CACHD1: variants seen among roughly 807,000 people sequenced by gnomAD.
The protein encoded by CACHD1 is VWFA and cache domain-containing protein 1.
In CACHD1, 71 loss-of-function variants were observed where a neutral mutation model predicts 138.7. The observed-to-expected ratio is 0.51, with a 90% CI of 0.42 to 0.62. The LOEUF is 0.62. Among genes scored for constraint, CACHD1 ranks in the 20% least tolerant of loss-of-function variants. The pLI is 0.00. For missense variants in CACHD1, 1,389 were observed against 1,625.3 expected, an observed-to-expected ratio of 0.85 and a Z score of 2.50; for synonymous variants, 578 against 591.5, an observed-to-expected ratio of 0.98 and a Z score of 0.33.
Position 64,677,010 on chromosome 1 carries a change from G to A in CACHD1, c.3091G>A (p.Gly1031Arg), listed in dbSNP as rs917667533. The A allele has an allele frequency of 1.2e-5, 19 of 1,609,380 alleles. No individual in the cohort carries two copies. The highest frequency in any genetic ancestry group is 1.6e-5 in the Non-Finnish European group (19 of 1,176,476). The change falls in exon 22 of 27, where the codon GGG becomes AGG. Residue 1031 changes from glycine to arginine, a missense_variant and splice_region_variant. Gly to Arg is a moderately radical substitution (Grantham distance 125, BLOSUM62 -2). Coordinates refer to ENST00000651257, the MANE Select transcript of CACHD1 (RefSeq NM_020925.4). ...CAGGTGCAGTCAGAGGCTGGAAAGT[G>A]GGTAAGCAGAATCTAGTAAAGAATT... ...NSRCSQRLES[G>R]DCFGVLDCEW...
intron 1 of CACHD1, among the ~76,000 whole-genome samples, chr1:64,507,184 C>T (rs1449698680): frequency 6.6e-6 from 1 of 152,222 alleles, no homozygotes; most frequent in African/African-American, 2.4e-5. Flanking sequence ...TTTAGGATCA[C>T]AGCTACCTCC....
intron 2 of CACHD1, among the ~76,000 whole-genome samples, chr1:64,568,961 G>A (rs1183619871): frequency 1.3e-5 from 2 of 151,988 alleles, no homozygotes; most frequent in Non-Finnish European, 2.9e-5. Context: ...CACTCTTCTT[G>A]CCCAAGCTGG....
chr1:64,610,399 A>G (rs1647486763), intron 4 of CACHD1, among the ~76,000 whole-genome samples: 2 of 152,224 alleles, frequency 1.3e-5, no homozygotes, highest in Non-Finnish European at 2.9e-5. Flanking sequence ...TGAGCTGGTA[A>G]AATCAAAAGC....
chr1:64,649,079 A>C (rs1649004890), intron 9 of CACHD1, among the ~76,000 whole-genome samples: 1 of 152,202 alleles, frequency 6.6e-6, no homozygotes, highest in African/African-American at 2.4e-5. Flanking sequence ...AACTCTTACA[A>C]ATACGGATTT....
At chr1:64,496,289 G>A (rs566033526) in intron 1 of CACHD1, among the ~76,000 whole-genome samples, 1 of 152,128 alleles carries the variant, frequency 6.6e-6, no homozygotes, top group Non-Finnish European at 1.5e-5. Flanking sequence ...CTTATTATTA[G>A]TAGTAGTAAT....
intron 1 of CACHD1, among the ~76,000 whole-genome samples, chr1:64,474,747 G>A (rs572595447): frequency 1.9e-4 from 29 of 152,360 alleles, no homozygotes; most frequent in African/African-American, 7.0e-4. Context: ...ATTTCGCCAG[G>A]CACTTATAAG....
At chr1:64,604,213 C>G (rs1043408709) in intron 4 of CACHD1, among the ~76,000 whole-genome samples, 8 of 152,138 alleles carry the variant, frequency 5.3e-5, no homozygotes, top group African/African-American at 1.9e-4. Flanking sequence ...GTTTCTTAGG[C>G]ATAATAAAAC....
intron 3 of CACHD1, among the ~76,000 whole-genome samples, chr1:64,594,253 T>TA (rs5774710): frequency 0.72 from 98,523 of 137,752 alleles, 35,229 homozygotes; most frequent in East Asian, 0.78. Context: ...AAACTTTGTC[T>TA]AAAAAAAAAA....
At chr1:64,485,981 G>A (rs2100285137) in intron 1 of CACHD1, among the ~76,000 whole-genome samples, 1 of 152,238 alleles carries the variant, frequency 6.6e-6, no homozygotes, top group Non-Finnish European at 1.5e-5. Context: ...ATTCCCACCA[G>A]CAATGTATGA....
intron 2 of CACHD1, among the ~76,000 whole-genome samples, chr1:64,560,482 G>A (rs1557493206): frequency 6.6e-6 from 1 of 151,482 alleles, no homozygotes. Flanking sequence ...TAAGTATTTT[G>A]TTCAATTTTC....
intron 1 of CACHD1, among the ~76,000 whole-genome samples, chr1:64,541,352 C>G (rs1443269595): frequency 6.6e-6 from 1 of 150,844 alleles, no homozygotes; most frequent in Non-Finnish European, 1.5e-5. Context: ...AAAATGTAAA[C>G]AATATTGGTT....
chr1:64,604,257 T>C (rs1320305362), intron 4 of CACHD1, among the ~76,000 whole-genome samples: 1 of 152,232 alleles, frequency 6.6e-6, no homozygotes, highest in Non-Finnish European at 1.5e-5. Flanking sequence ...AACCTAAATC[T>C]GCAAATCTGC....
chr1:64,582,295 C>T lies in CACHD1; in HGVS notation c.401C>T (p.Ser134Phe), dbSNP rs1347382537. 1.2e-6 allele frequency: 2 copies of T among 1,613,340 alleles called. No individual in the cohort carries two copies. The highest frequency in any genetic ancestry group is 1.3e-5 in the African/African-American group (1 of 74,924). Residue 134 changes from serine to phenylalanine, a missense_variant, in exon 3 of 27, where the codon TCC (serine) becomes TTC (phenylalanine). Ser to Phe is a radical substitution (Grantham distance 155). Transcript: ENST00000651257. ...AIQDCCTIPP[S>F]MMEFDGNFNT... is the part of the protein sequence containing the mutation. ...CAAGACTGCTGTACTATCCCACCTT[C>T]CATGATGGAGTAAGACTTTAAAACT...
At chr1:64,617,469 G>T (rs1198691280) in intron 4 of CACHD1, among the ~76,000 whole-genome samples, 1 of 151,926 alleles carries the variant, frequency 6.6e-6, no homozygotes, top group East Asian at 1.9e-4. Flanking sequence ...AGGACAGAAT[G>T]GACTGGTTAT....
chr1:64,495,694 T>A (rs956275308), intron 1 of CACHD1, among the ~76,000 whole-genome samples: 5 of 140,012 alleles, frequency 3.6e-5, no homozygotes, highest in African/African-American at 1.5e-4. Flanking sequence ...AGAATTACTT[T>A]TTTTTTTTTT....
intron 10 of CACHD1, among the ~76,000 whole-genome samples, chr1:64,653,178 A>T (rs947506941): frequency 6.6e-6 from 1 of 152,124 alleles, no homozygotes; most frequent in African/African-American, 2.4e-5. Context: ...GAGCTAAATG[A>T]TGAGAACACA....
At chr1:64,543,402 C>CATATAT (rs140966471) in intron 1 of CACHD1, among the ~76,000 whole-genome samples, 17,747 of 126,570 alleles carry the variant, frequency 0.14, 1,355 homozygotes, top group Non-Finnish European at 0.15. Flanking sequence ...AAAAAAAATA[C>CATATAT]ATATATATAT....
At chr1:64,633,972 T>C in intron 6 of CACHD1, 72 bp from the exon 7 acceptor site, 1 of 1,255,374 alleles carries the variant, frequency 8.0e-7, no homozygotes, top group South Asian at 1.4e-5. Flanking sequence ...CCTCTTCTGT[T>C]ACATAAATAA....
chr1:64,654,829 T>G (rs1324544802), intron 12 of CACHD1, 26 bp downstream of exon 12: 1 of 1,523,026 alleles, frequency 6.6e-7, no homozygotes, highest in African/African-American at 1.4e-5. Flanking sequence ...TTGTGTTTGC[T>G]TGAAGAGCTA....
Sources: gnomAD v4.1 joint callset for allele counts (sites outside exome capture counted in the v4.1 genomes callset) on GRCh38, gnomAD v4.1.1 for gene constraint, MANE v1.5 for transcripts, NCBI Gene and HGNC (gene_info 2026-07-23, HGNC 2026-07-21) for gene names.